The following CSMD1 variants were observed in gnomAD, a reference collection of about 807,000 sequenced individuals.
The protein encoded by CSMD1 is CUB and sushi domain-containing protein 1.
CSMD1 carries 213 observed loss-of-function variants against 417.5 expected under a neutral mutation model. The observed-to-expected ratio is 0.51, with a 90% CI of 0.46 to 0.57. CSMD1 has a LOEUF of 0.57. CSMD1 is among the 20% of genes least tolerant of loss of function. The pLI is 0.00. For missense variants in CSMD1, 6,923 were observed against 4,529.7 expected, an observed-to-expected ratio of 1.53 and a Z score of -15.17; for synonymous variants, 2,862 against 1,736.8, an observed-to-expected ratio of 1.65 and a Z score of -16.11.
intron 15 of CSMD1, among the ~76,000 whole-genome samples, chr8:3,403,118 C>G (rs1325136360): frequency 6.6e-6 from 1 of 152,126 alleles, no homozygotes; most frequent in East Asian, 1.9e-4. Context: ...TATTACAGGG[C>G]ATGAGACCTA....
intron 23 of CSMD1, among the ~76,000 whole-genome samples, chr8:3,313,286 A>C (rs1486242453): frequency 3.3e-5 from 5 of 152,224 alleles, no homozygotes; most frequent in Non-Finnish European, 7.3e-5. Context: ...GATTAAACTA[A>C]CGAGGTTCTG....
intron 1 of CSMD1, among the ~76,000 whole-genome samples, chr8:4,872,672 G>C (rs1438181053): frequency 6.6e-6 from 1 of 152,068 alleles, no homozygotes; most frequent in Non-Finnish European, 1.5e-5. Context: ...TGCGAGAGTA[G>C]AATTCACAAT....
intron 10 of CSMD1, among the ~76,000 whole-genome samples, chr8:3,528,747 C>T (rs986288866): frequency 7.9e-5 from 12 of 152,144 alleles, no homozygotes; most frequent in African/African-American, 2.9e-4. Context: ...GTTCCAATTG[C>T]TGAGACTATT....
intron 50 of CSMD1, among the ~76,000 whole-genome samples, chr8:3,051,085 T>C (rs940603194): frequency 6.6e-6 from 1 of 152,162 alleles, no homozygotes; most frequent in African/African-American, 2.4e-5. Flanking sequence ...AACCCAGCAA[T>C]CCCATTACTG....
At chr8:4,880,599 C>A (rs1803328255) in intron 1 of CSMD1, among the ~76,000 whole-genome samples, 1 of 152,118 alleles carries the variant, frequency 6.6e-6, no homozygotes, top group Admixed American at 6.5e-5. Flanking sequence ...TCAAAGCCCA[C>A]ATTGCCTCTA....
chr8:4,811,841 T>C (rs540399827), intron 1 of CSMD1, among the ~76,000 whole-genome samples: 15 of 152,274 alleles, frequency 9.9e-5, no homozygotes, highest in African/African-American at 2.6e-4. Context: ...TTTTTTCTTC[T>C]ATGAGACAGT....
rs113670247 is a variant in CSMD1 at position 3,522,845 on chromosome 8, T to C, written c.1345-29119A>G. Among the ~76,000 whole-genome samples the C allele has an allele frequency of 1.9e-3, 293 of 150,284 alleles. 1 individual carries two copies. The highest frequency in any genetic ancestry group is 6.8e-3 in the African/African-American group (278 of 41,158). Reference sequence around the variant, plus strand: ...TATTTGACATATAATTTGTTAGATATATATAATTATATATTTAATGTAAAT... The same window carrying C: ...TATTTGACATATAATTTGTTAGATACATATAATTATATATTTAATGTAAAT... On this transcript the variant is annotated intron_variant, in intron 10 of 69. Coordinates refer to ENST00000635120, the MANE Select transcript of CSMD1 (RefSeq NM_033225.6).
chr8:4,521,864 C>A (rs982801191), intron 2 of CSMD1, among the ~76,000 whole-genome samples: 1 of 152,212 alleles, frequency 6.6e-6, no homozygotes, highest in Non-Finnish European at 1.5e-5. Context: ...AGCGCTTTAG[C>A]TCCTGGGAAA....
At chr8:3,572,298 A>G (rs1452564688) in intron 10 of CSMD1, among the ~76,000 whole-genome samples, 2 of 152,154 alleles carry the variant, frequency 1.3e-5, no homozygotes, top group African/African-American at 2.4e-5. Flanking sequence ...TGGGGCAGAA[A>G]GCAGGAGCTT....
At chr8:3,482,693 A>G (rs572490914) in intron 11 of CSMD1, among the ~76,000 whole-genome samples, 7 of 152,314 alleles carry the variant, frequency 4.6e-5, no homozygotes, top group East Asian at 1.9e-4. Context: ...TCAAAGCCCT[A>G]TGAAAAGCTG....
At chr8:4,555,107 G>C (rs774393376) in intron 2 of CSMD1, among the ~76,000 whole-genome samples, 3 of 152,190 alleles carry the variant, frequency 2.0e-5, no homozygotes, top group Non-Finnish European at 4.4e-5. Flanking sequence ...GGAATGATAG[G>C]ATGCTTTTTG....
intron 1 of CSMD1, among the ~76,000 whole-genome samples, chr8:4,849,384 CAATAG>C (rs1029935541): frequency 1.3e-4 from 19 of 151,704 alleles, no homozygotes; most frequent in African/African-American, 3.6e-4. Flanking sequence ...TTTCTTTATT[CAATAG>C]AATAAAGAAA....
chr8:3,494,495 G>C (rs750516533), intron 10 of CSMD1, among the ~76,000 whole-genome samples: 2 of 152,084 alleles, frequency 1.3e-5, no homozygotes, highest in Admixed American at 6.5e-5. Context: ...TTAGAGGAAT[G>C]ATAGATAGAT....
chr8:4,797,735 T>A (rs77581426), intron 1 of CSMD1, among the ~76,000 whole-genome samples: 6,201 of 152,300 alleles, frequency 0.041, 388 homozygotes, highest in African/African-American at 0.13. Flanking sequence ...GATAGGTACA[T>A]ACAAATGTAG....
At chr8:3,249,417 T>A (rs1255981767) in intron 26 of CSMD1, among the ~76,000 whole-genome samples, 1 of 152,104 alleles carries the variant, frequency 6.6e-6, no homozygotes. Flanking sequence ...AGTGATGGCG[T>A]TTCACCATGT....
At chr8:3,783,838 T>C (rs1187306087) in intron 5 of CSMD1, among the ~76,000 whole-genome samples, 2 of 152,180 alleles carry the variant, frequency 1.3e-5, no homozygotes, top group Non-Finnish European at 2.9e-5. Flanking sequence ...TACCAATTAA[T>C]ATTGATGGAT....
At chr8:4,499,107 G>A (rs1236642853) in intron 2 of CSMD1, among the ~76,000 whole-genome samples, 2 of 152,160 alleles carry the variant, frequency 1.3e-5, no homozygotes, top group African/African-American at 2.4e-5. Flanking sequence ...TTAAAATGCA[G>A]TCATTTCTGT....
chr8:2,963,079 T>C (rs928996160), intron 60 of CSMD1, 143 bp downstream of exon 60: 12 of 876,756 alleles, frequency 1.4e-5, no homozygotes, highest in African/African-American at 1.3e-4. Context: ...GGCAACACAG[T>C]CTCAAGTTTG....
chr8:3,482,043 G>T (rs1033480660), intron 11 of CSMD1, among the ~76,000 whole-genome samples: 2 of 151,976 alleles, frequency 1.3e-5, no homozygotes, highest in Admixed American at 6.6e-5. Flanking sequence ...AGAAATACAT[G>T]AAATATACCA....
Sources: gnomAD v4.1 joint callset for allele counts (sites outside exome capture counted in the v4.1 genomes callset) on GRCh38, gnomAD v4.1.1 for gene constraint, MANE v1.5 for transcripts, NCBI Gene and HGNC (gene_info 2026-07-23, HGNC 2026-07-21) for gene names.